Variants in PTPRO observed in about 807,000 individuals in gnomAD.
The protein encoded by PTPRO is receptor-type tyrosine-protein phosphatase O.
A neutral mutation model predicts 145.2 loss-of-function variants in PTPRO; 62 were observed. The ratio of observed to expected loss-of-function variants is 0.43; its 90% CI spans 0.35 to 0.53. The LOEUF is 0.53. Among genes scored for constraint, PTPRO ranks in the 20% least tolerant of loss-of-function variants. PTPRO has a pLI of 0.01. For synonymous variants in PTPRO, 565 were observed against 514.7 expected, an observed-to-expected ratio of 1.10 and a Z score of -1.32; for missense variants, 1,345 against 1,482.7, an observed-to-expected ratio of 0.91 and a Z score of 1.53.
intron 1 of PTPRO, among the ~76,000 whole-genome samples, chr12:15,328,433 CCAAA>C (rs1727621896): frequency 2.0e-5 from 3 of 152,120 alleles, no homozygotes; most frequent in African/African-American, 7.2e-5. Context: ...TTTAAAACCA[CCAAA>C]CAAACAGAAG....
At chr12:15,325,960 A>C (rs570299479) in intron 1 of PTPRO, among the ~76,000 whole-genome samples, 2 of 152,178 alleles carry the variant, frequency 1.3e-5, no homozygotes, top group African/African-American at 4.8e-5. Context: ...ATCATCAAAG[A>C]ATATCAAATT....
At chr12:15,358,431 G>A (rs529000786) in intron 1 of PTPRO, among the ~76,000 whole-genome samples, 26 of 151,998 alleles carry the variant, frequency 1.7e-4, no homozygotes, top group African/African-American at 2.4e-4. Flanking sequence ...CTAATTTTCC[G>A]GATTTTGATG....
intron 1 of PTPRO, among the ~76,000 whole-genome samples, chr12:15,445,743 C>A (rs1230912357): frequency 6.6e-6 from 1 of 152,072 alleles, no homozygotes; most frequent in African/African-American, 2.4e-5. Context: ...TAAAATGAAT[C>A]AACTTAAATT....
At chr12:15,537,626 A>G (rs2136551886) in intron 12 of PTPRO, among the ~76,000 whole-genome samples, 1 of 152,358 alleles carries the variant, frequency 6.6e-6, no homozygotes, top group East Asian at 1.9e-4. Context: ...TAAAATGCAC[A>G]GGAGCTAAAG....
chr12:15,430,985 G>A (rs1940420337), intron 1 of PTPRO, among the ~76,000 whole-genome samples: 1 of 152,132 alleles, frequency 6.6e-6, no homozygotes, highest in South Asian at 2.1e-4. Context: ...AGTAATTATT[G>A]CTTAAAAACT....
In PTPRO at chr12:15,593,519, G is replaced by A. The variant is rs908778997; in HGVS notation, c.3547-1418G>A. 1.3e-5 allele frequency among the ~76,000 whole-genome samples: 2 copies of A among 152,046 alleles called. 1 individual carries two copies. Among genetic ancestry groups the A allele is most frequent in the African/African-American group, 4.8e-5 (2 of 41,408 alleles). On this transcript the variant is annotated intron_variant, in intron 25 of 26. Coordinates refer to ENST00000281171, the MANE Select transcript of PTPRO (RefSeq NM_030667.3). ...ATATTATATGTATGTATATATGTGT[G>A]TTACTTTACATTCTATTTACATTGT...
At chr12:15,372,039 A>T (rs762639851) in intron 1 of PTPRO, among the ~76,000 whole-genome samples, 3 of 152,182 alleles carry the variant, frequency 2.0e-5, no homozygotes, top group Non-Finnish European at 4.4e-5. Context: ...AAACCAAACT[A>T]ATACACTTAT....
chr12:15,488,650 A>G (rs1941939694), intron 2 of PTPRO, among the ~76,000 whole-genome samples: 1 of 152,224 alleles, frequency 6.6e-6, no homozygotes, highest in African/African-American at 2.4e-5. Flanking sequence ...GAAATAAGCA[A>G]TGACAAAGCA....
chr12:15,401,879 G>A (rs1939504057), intron 1 of PTPRO, among the ~76,000 whole-genome samples: 1 of 152,100 alleles, frequency 6.6e-6, no homozygotes, highest in Non-Finnish European at 1.5e-5. Flanking sequence ...AGTATAAATT[G>A]CATCTCATCA....
chr12:15,443,194 A>C (rs1300680246), intron 1 of PTPRO, among the ~76,000 whole-genome samples: 1 of 151,838 alleles, frequency 6.6e-6, no homozygotes, highest in Non-Finnish European at 1.5e-5. Flanking sequence ...AGAACACCTA[A>C]AGCCATCTGA....
At chr12:15,348,808 GC>G (rs1410238348) in intron 1 of PTPRO, 1 of 151,680 alleles carries the variant, frequency 6.6e-6, no homozygotes, top group Non-Finnish European at 1.5e-5. Context: ...AAATTATAGA[GC>G]CCCTAGAAAG....
chr12:15,532,333 T>C (rs1227578061), intron 12 of PTPRO, among the ~76,000 whole-genome samples: 1 of 152,166 alleles, frequency 6.6e-6, no homozygotes, highest in African/African-American at 2.4e-5. Flanking sequence ...TTTACTTAAT[T>C]TCTTTTTAAA....
At chr12:15,417,590 C>T (rs991236750) in intron 1 of PTPRO, among the ~76,000 whole-genome samples, 1 of 151,706 alleles carries the variant, frequency 6.6e-6, no homozygotes, top group Non-Finnish European at 1.5e-5. Context: ...CTTACTAAAT[C>T]AGAATCTGCA....
intron 1 of PTPRO, among the ~76,000 whole-genome samples, chr12:15,362,693 A>C (rs1434627523): frequency 3.3e-5 from 5 of 152,260 alleles, no homozygotes; most frequent in African/African-American, 9.6e-5. Flanking sequence ...ATATGAACCC[A>C]CACATCAAAA....
chr12:15,591,991 C>T (rs1472262906), intron 25 of PTPRO, among the ~76,000 whole-genome samples: 2 of 152,174 alleles, frequency 1.3e-5, no homozygotes, highest in East Asian at 1.9e-4. Flanking sequence ...AGAGGTTCCC[C>T]GGGTTACTTA....
At chr12:15,520,370 C>A in intron 10 of PTPRO, 58 bp downstream of exon 10, 1 of 1,324,880 alleles carries the variant, frequency 7.5e-7, no homozygotes, top group Non-Finnish European at 1.1e-6. Flanking sequence ...GAGGAGTTAC[C>A]AAGGTTCCAA....
At position 15,526,122 on chromosome 12, in the gene PTPRO, T is replaced by C. The variant is rs374027757; in HGVS notation, c.2044-20T>C. The C allele has an allele frequency of 9.3e-6, 15 of 1,613,758 alleles. No homozygotes were observed. Among genetic ancestry groups the C allele is most frequent in the Admixed American group, 1.7e-5 (1 of 60,002 alleles). ...TTCATTCACTAAAAGTTTAAACCCT[T>C]GATTTTGATGATCTTGCAGGTAACA... On this transcript the variant is annotated intron_variant, in intron 11 of 26. Transcript: ENST00000281171.
At chr12:15,409,915 G>A (rs1255372841) in intron 1 of PTPRO, among the ~76,000 whole-genome samples, 1 of 152,122 alleles carries the variant, frequency 6.6e-6, no homozygotes, top group Non-Finnish European at 1.5e-5. Context: ...AATATGAGTG[G>A]GGATATATGA....
chr12:15,508,822 C>G (rs536738526), intron 7 of PTPRO, 55 bp downstream of exon 7: 1 of 1,556,806 alleles, frequency 6.4e-7, no homozygotes, highest in African/African-American at 1.4e-5. Context: ...CACAACCTTA[C>G]AGGGCAATGC....
Sources: allele counts gnomAD v4.1 joint callset (sites outside exome capture counted in the v4.1 genomes callset), GRCh38; gene constraint gnomAD v4.1.1; transcripts MANE v1.5; gene names NCBI Gene and HGNC (gene_info 2026-07-23, HGNC 2026-07-21).